GSTM2: variants seen among roughly 807,000 people sequenced by gnomAD.
GSTM2 encodes glutathione S-transferase mu 2, also known as GST class-mu 2.
A neutral mutation model predicts 33.3 loss-of-function variants in GSTM2; 33 were observed. The ratio of observed to expected loss-of-function variants is 0.99; its 90% CI spans 0.75 to 1.33. The LOEUF (loss-of-function observed/expected upper bound fraction) is 1.33, where lower values mean the gene tolerates loss of function less well. GSTM2 is among the 40% of genes most tolerant of loss of function. The probability of loss-of-function intolerance (pLI) is 0.00; values close to 1 mark genes in which losing one functional copy is unlikely to be tolerated. For missense variants in GSTM2, 213 were observed against 265.8 expected (o/e 0.80, Z 1.38); for synonymous variants, 93 against 95.6 (o/e 0.97, Z 0.16).
At chr1:109,672,830 T>C (rs919670696) in intron 7 of GSTM2, among the ~76,000 whole-genome samples, 1 of 151,050 alleles carries the variant, frequency 6.6e-6, no homozygotes, top group Non-Finnish European at 1.5e-5. Flanking sequence ...GAGCTTATGC[T>C]GAAATGCCCT....
Position 109,669,472 on chromosome 1 carries a change from C to T in GSTM2, c.261C>T (p.Cys87=), listed in dbSNP as rs778325929. 4.3e-6 allele frequency: 7 copies of T among 1,613,572 alleles called. No individual in the cohort carries two copies. The highest frequency in any genetic ancestry group is 1.1e-5 in the South Asian group (1 of 91,072). The part of the protein sequence containing the change: ...LRYIARKHNL[C]GESEKEQIRE... ...AGTGAATCTGCTTTACGAGGGTAGGCGGGGAATCAGAAAAGGAGCAGATTC... is the reference window on the plus strand; with the variant it reads ...AGTGAATCTGCTTTACGAGGGTAGGTGGGGAATCAGAAAAGGAGCAGATTC... The change falls in exon 5 of 8, where the codon TGC becomes TGT. Residue 87 remains cysteine, a splice_region_variant and synonymous_variant. Coordinates refer to ENST00000241337, the MANE Select transcript of GSTM2 (RefSeq NM_000848.4).
At chr1:109,675,822 A>G (rs547771878), downstream of GSTM2, among the ~76,000 whole-genome samples, 10 of 152,178 alleles carry the variant, frequency 6.6e-5, no homozygotes, top group Non-Finnish European at 1.3e-4. Context: ...GTCCTTGCAT[A>G]ACTGAAAGTG....
chr1:109,674,455 C>T (rs1338532824), intron 7 of GSTM2, among the ~76,000 whole-genome samples: 2 of 152,178 alleles, frequency 1.3e-5, no homozygotes, highest in African/African-American at 2.4e-5. Context: ...GCAGAGTAGT[C>T]GAGTGGGTTT....
downstream of GSTM2, among the ~76,000 whole-genome samples, chr1:109,677,887 C>T (rs1210316277): frequency 6.6e-6 from 1 of 152,188 alleles, no homozygotes; most frequent in East Asian, 1.9e-4. Flanking sequence ...TGTTTGCTTT[C>T]CCTCATAAGA....
Position 109,668,123 on chromosome 1 carries a change from T to A in GSTM2, c.8T>A (p.Met3Lys), listed in dbSNP as rs752485262. The A allele has an allele frequency of 6.2e-7, 1 of 1,613,416 alleles. No homozygotes were observed. The highest frequency in any genetic ancestry group is 1.1e-5 in the South Asian group (1 of 91,072). Residue 3 changes from methionine (M) to lysine (K), a missense_variant, in exon 1 of 8, where the codon ATG becomes AAG. Coordinates refer to ENST00000241337, the MANE Select transcript of GSTM2 (RefSeq NM_000848.4). MP[M>K]TLGYWNIRGL... ...TCCACAGCAACCAGCACCATGCCCA[T>A]GACACTGGGGTACTGGAACATCCGC... is the stretch of plus-strand genomic sequence containing the variant.
chr1:109,668,766 T>G, intron 2 of GSTM2, 159 bp from the exon 3 acceptor site: 1 of 942,764 alleles, frequency 1.1e-6, no homozygotes, highest in Non-Finnish European at 1.7e-6. Flanking sequence ...GAGCCCTCAC[T>G]GGAATTCTTT....
At chr1:109,671,618 T>C in intron 7 of GSTM2, 35 bp downstream of exon 7, 1 of 1,096,028 alleles carries the variant, frequency 9.1e-7, no homozygotes, top group Non-Finnish European at 1.4e-6. Flanking sequence ...TTTATGTCTC[T>C]TATTCCTTTC....
At position 109,672,868 on chromosome 1, in the gene GSTM2, C is replaced by CT. The variant is rs67187488; in HGVS notation, c.567+1304dup. Among the ~76,000 whole-genome samples the CT allele has an allele frequency of 6.5e-3, 798 of 122,256 alleles. 17 individuals are homozygous for CT. The highest frequency in any genetic ancestry group is 0.019 in the African/African-American group (632 of 33,068). The allele number at this position is 122,256 out of a possible 152,430, so 80.2% of individuals were successfully genotyped here. ...GCTGGAGCACTTTCCTTCTCTACCT[C>CT]TTTTTTTTTTTTTTTTTTTGAGACG... On this transcript the variant is annotated intron_variant, in intron 7 of 7. Transcript: ENST00000241337.
intron 5 of GSTM2, chr1:109,671,077 C>T (rs896037171): frequency 1.7e-6 from 1 of 575,622 alleles, no homozygotes; most frequent in African/African-American, 1.9e-5. Flanking sequence ...TCCGCTCTGC[C>T]ATCCCATCAC....
At chr1:109,669,088 T>C in intron 3 of GSTM2, 99 bp downstream of exon 3, 1 of 1,386,238 alleles carries the variant, frequency 7.2e-7, no homozygotes, top group Non-Finnish European at 1.0e-6. Context: ...AGGAGTCTTC[T>C]GCCCAATTCC....
chr1:109,677,477 A>G (rs1285510592), downstream of GSTM2, among the ~76,000 whole-genome samples: 3 of 152,228 alleles, frequency 2.0e-5, no homozygotes, highest in African/African-American at 7.2e-5. Flanking sequence ...GTATAATGAA[A>G]ATAAACATGC....
downstream of GSTM2, among the ~76,000 whole-genome samples, chr1:109,676,515 C>T (rs1306378959): frequency 1.3e-5 from 2 of 151,896 alleles, no homozygotes. Context: ...TGTGCCCAGC[C>T]GATTTTTGTA....
At chr1:109,668,658 A>G (rs1345051547) in intron 2 of GSTM2, 158 bp downstream of exon 2, 13 of 919,290 alleles carry the variant, frequency 1.4e-5, no homozygotes, top group Non-Finnish European at 2.3e-5. Flanking sequence ...TGCAAGGCAG[A>G]ATGCTGGGGC....
At chr1:109,673,387 A>C in intron 7 of GSTM2, 1 of 1,063,068 alleles carries the variant, frequency 9.4e-7, no homozygotes, top group Non-Finnish European at 1.4e-6. Flanking sequence ...CTTGTTTGAG[A>C]GCAGCAAATC....
intron 7 of GSTM2, among the ~76,000 whole-genome samples, chr1:109,672,301 G>C (rs545046634): frequency 3.8e-4 from 58 of 152,120 alleles, no homozygotes; most frequent in African/African-American, 1.2e-3. Flanking sequence ...AAGAAGAAAA[G>C]AATAACTTGC....
At position 109,668,291 on chromosome 1, in the gene GSTM2, C is replaced by T. The variant is rs1279947704; in HGVS notation, c.37-134C>T. The T allele has an allele frequency of 3.5e-6, 4 of 1,129,066 alleles. No individual in the cohort carries two copies. In the East Asian group the frequency reaches 7.9e-5, roughly 22 times the overall value. The allele number at this position is 1,129,066 out of a possible 1,614,324, so 69.9% of individuals were successfully genotyped here. A position where few individuals can be genotyped will look rare whatever the true frequency, so the allele number is the denominator to read the frequency against. ...GGGTCTGTGCTTGCCGCTGTCTGTG[C>T]GTGTGGCTGGGCGTGCGGGGTGGGG... On this transcript the variant is annotated intron_variant, in intron 1 of 7. Transcript: ENST00000241337.
At chr1:109,679,661 A>T (rs949245336), downstream of GSTM2, among the ~76,000 whole-genome samples, 8 of 152,174 alleles carry the variant, frequency 5.3e-5, no homozygotes, top group Non-Finnish European at 1.2e-4. Flanking sequence ...TTAAAGAATG[A>T]TCTTGTGGCA....
intron 7 of GSTM2, among the ~76,000 whole-genome samples, chr1:109,672,091 C>G (rs917321140): frequency 6.7e-6 from 1 of 150,122 alleles, no homozygotes; most frequent in African/African-American, 2.5e-5. Flanking sequence ...ACCAGCCTGA[C>G]CAACATGGTG....
chr1:109,671,069 C>A, intron 5 of GSTM2: 1 of 561,874 alleles, frequency 1.8e-6, no homozygotes, highest in Non-Finnish European at 3.2e-6. Context: ...TGTCACATTC[C>A]GCTCTGCCAT....
Sources: gnomAD v4.1 joint callset for allele counts (sites outside exome capture counted in the v4.1 genomes callset) on GRCh38, gnomAD v4.1.1 for gene constraint, MANE v1.5 for transcripts, NCBI Gene and HGNC (gene_info 2026-07-23, HGNC 2026-07-21) for gene names.